Variants in SLC9C1 observed in about 807,000 individuals in gnomAD.
SLC9C1 encodes sodium/hydrogen exchanger 10.
Under a neutral mutation model 140.9 loss-of-function variants are expected in SLC9C1, and 97 were observed. The observed-to-expected ratio is 0.69, with a 90% confidence interval of 0.58 to 0.82. The LOEUF (loss-of-function observed/expected upper bound fraction) is 0.82. Among genes scored for constraint, SLC9C1 ranks in the 40% least tolerant of loss-of-function variants. The pLI, the probability that SLC9C1 is intolerant of heterozygous loss-of-function variation, is 0.00. For missense variants in SLC9C1, 1,340 were observed against 1,389.3 expected (o/e 0.96, Z 0.56); for synonymous variants, 440 against 442.6 (o/e 0.99, Z 0.07).
intron 20 of SLC9C1, among the ~76,000 whole-genome samples, chr3:112,184,697 A>G (rs1576293643): frequency 1.3e-5 from 2 of 152,336 alleles, no homozygotes; most frequent in Non-Finnish European, 2.9e-5. Context: ...AGATGCCCAG[A>G]GGTAGCTGTC....
At chr3:112,282,419 A>G (rs2080383348) in intron 2 of SLC9C1, among the ~76,000 whole-genome samples, 1 of 152,234 alleles carries the variant, frequency 6.6e-6, no homozygotes, top group Non-Finnish European at 1.5e-5. Context: ...TCTGCTTATT[A>G]TGAGAGTGTT....
Position 112,244,024 on chromosome 3 carries a change from A to G in SLC9C1, c.1250T>C (p.Phe417Ser). ...TATAGTAACTGCCACTGGCAAAATA[A>G]ATCTATTGACAACAAGGGTTATTAG... ...VCLITLVVNR[F>S]ILPVAVTILG... is the part of the protein sequence containing the mutation. The change falls in exon 11 of 29, where the codon TTT (phenylalanine) becomes TCT (serine). Residue 417 changes from phenylalanine to serine, a missense_variant. Phe to Ser is a radical substitution (Grantham distance 155). Coordinates refer to ENST00000305815, the MANE Select transcript of SLC9C1 (RefSeq NM_183061.3). 4.4e-6 allele frequency: 7 copies of G among 1,607,562 alleles called. No homozygotes were observed. Among genetic ancestry groups the G allele is most frequent in the Non-Finnish European group, 6.0e-6 (7 of 1,176,326 alleles).
intron 10 of SLC9C1, among the ~76,000 whole-genome samples, chr3:112,254,982 CAAAG>C (rs1348447392): frequency 6.6e-6 from 1 of 151,906 alleles, no homozygotes; most frequent in Non-Finnish European, 1.5e-5. Flanking sequence ...TTTAAAAACA[CAAAG>C]AAGGGCATTA....
chr3:112,259,142 G>T (rs1233137185), intron 10 of SLC9C1, among the ~76,000 whole-genome samples: 1 of 152,124 alleles, frequency 6.6e-6, no homozygotes, highest in Non-Finnish European at 1.5e-5. Flanking sequence ...ATCATGTCCT[G>T]CAGGAAAATG....
chr3:112,185,735 C>T, intron 20 of SLC9C1: 2 of 1,538,112 alleles, frequency 1.3e-6, no homozygotes, highest in South Asian at 1.2e-5. Context: ...CCTTGCTGAG[C>T]CCCCGGCCTG....
intron 26 of SLC9C1, among the ~76,000 whole-genome samples, chr3:112,157,480 C>T (rs1233197698): frequency 6.6e-6 from 1 of 151,926 alleles, no homozygotes. Flanking sequence ...TCTTTTTGCT[C>T]AAGACTGCTG....
chr3:112,210,862 A>T (rs927235443), intron 15 of SLC9C1, among the ~76,000 whole-genome samples: 8 of 152,122 alleles, frequency 5.3e-5, no homozygotes, highest in African/African-American at 1.9e-4. Context: ...GACAGGAAAA[A>T]AACCCTTTAT....
At chr3:112,165,508 G>A (rs929222101) in intron 26 of SLC9C1, among the ~76,000 whole-genome samples, 1 of 152,204 alleles carries the variant, frequency 6.6e-6, no homozygotes, top group Non-Finnish European at 1.5e-5. Context: ...CTCAGCTGCA[G>A]GTCTGTTGGA....
chr3:112,200,803 A>G (rs770769616), intron 18 of SLC9C1, 41 bp from the exon 19 acceptor site: 40 of 1,544,188 alleles, frequency 2.6e-5, no homozygotes, highest in Non-Finnish European at 3.3e-5. Flanking sequence ...GGAAAAACAG[A>G]CTGTTATAAA....
chr3:112,214,567 G>A (rs2078302201), intron 15 of SLC9C1, among the ~76,000 whole-genome samples: 1 of 152,018 alleles, frequency 6.6e-6, no homozygotes, highest in South Asian at 2.1e-4. Flanking sequence ...TACCCTCAGA[G>A]AATACTATAA....
At chr3:112,208,790 G>A (rs1322871344) in intron 15 of SLC9C1, among the ~76,000 whole-genome samples, 1 of 152,034 alleles carries the variant, frequency 6.6e-6, no homozygotes, top group East Asian at 1.9e-4. Context: ...TTTATAAAAT[G>A]ATTATCCATA....
chr3:112,264,077 T>A (rs1185169174), intron 9 of SLC9C1, 123 bp downstream of exon 9: 3 of 459,898 alleles, frequency 6.5e-6, no homozygotes, highest in Admixed American at 5.1e-5. Flanking sequence ...TATTTGCTGA[T>A]GATCCTTGGA....
intron 5 of SLC9C1, among the ~76,000 whole-genome samples, chr3:112,275,902 CGAT>C (rs145522114): frequency 0.29 from 43,378 of 151,710 alleles, 6,301 homozygotes; most frequent in Admixed American, 0.33. Context: ...TTATGAGACT[CGAT>C]GAGAGCAGAA....
At chr3:112,167,496 A>G in intron 25 of SLC9C1, 149 bp from the exon 26 acceptor site, 1 of 739,506 alleles carries the variant, frequency 1.4e-6, no homozygotes, top group Non-Finnish European at 2.0e-6. Flanking sequence ...TAATATCTTA[A>G]AATACTTGGA....
At chr3:112,157,964 C>T (rs181222529) in intron 26 of SLC9C1, among the ~76,000 whole-genome samples, 83 of 152,008 alleles carry the variant, frequency 5.5e-4, no homozygotes, top group Non-Finnish European at 4.6e-4. Context: ...CATCTGCAAA[C>T]GAGAATACTT....
chr3:112,170,956 G>A (rs1459833760), intron 23 of SLC9C1, among the ~76,000 whole-genome samples: 1 of 152,232 alleles, frequency 6.6e-6, no homozygotes, highest in Non-Finnish European at 1.5e-5. Flanking sequence ...GCTCATGCCT[G>A]TAATCTTAGC....
intron 15 of SLC9C1, among the ~76,000 whole-genome samples, chr3:112,210,059 T>A (rs569004938): frequency 1.3e-5 from 2 of 152,228 alleles, no homozygotes. Context: ...GAAGGACTTA[T>A]ACTTCCTGAT....
At chr3:112,258,216 G>A (rs2108280205) in intron 10 of SLC9C1, among the ~76,000 whole-genome samples, 1 of 152,122 alleles carries the variant, frequency 6.6e-6, no homozygotes, top group East Asian at 1.9e-4. Flanking sequence ...AATATAAATT[G>A]TTCTACCATA....
At chr3:112,168,120 G>A (rs770022132) in intron 25 of SLC9C1, among the ~76,000 whole-genome samples, 1 of 151,882 alleles carries the variant, frequency 6.6e-6, no homozygotes, top group African/African-American at 2.4e-5. Flanking sequence ...TTACTTATTT[G>A]TTTCTTTTCA....
Sources: allele counts gnomAD v4.1 joint callset (sites outside exome capture counted in the v4.1 genomes callset), GRCh38; gene constraint gnomAD v4.1.1; transcripts MANE v1.5; gene names NCBI Gene and HGNC (gene_info 2026-07-23, HGNC 2026-07-21).